KBTBD12: variants seen among roughly 807,000 people sequenced by gnomAD.
The protein encoded by KBTBD12 is kelch repeat and BTB domain-containing protein 12.
KBTBD12 carries 53 observed loss-of-function variants against 58.7 expected under a neutral mutation model. That is an observed-to-expected ratio of 0.90 (90% CI 0.72 to 1.14). KBTBD12 has a LOEUF of 1.14. KBTBD12 is among the 50% of genes most tolerant of loss of function. The pLI, the probability that KBTBD12 is intolerant of heterozygous loss-of-function variation, is 0.00. For missense variants in KBTBD12, 704 were observed against 751.3 expected, an observed-to-expected ratio of 0.94 and a Z score of 0.74; for synonymous variants, 236 against 259.8, an observed-to-expected ratio of 0.91 and a Z score of 0.88.
chr3:127,939,732 A>G (rs952876849), intron 4 of KBTBD12, among the ~76,000 whole-genome samples: 25 of 152,314 alleles, frequency 1.6e-4, no homozygotes, highest in African/African-American at 5.5e-4. Flanking sequence ...CAAGCAATAA[A>G]TCAGTAGATC....
intron 4 of KBTBD12, among the ~76,000 whole-genome samples, chr3:127,938,038 A>C (rs1349503313): frequency 6.6e-6 from 1 of 152,138 alleles, no homozygotes; most frequent in Non-Finnish European, 1.5e-5. Context: ...GACCACCATA[A>C]AGGAATTTTA....
At chr3:127,953,830 T>G (rs1161500289) in intron 4 of KBTBD12, among the ~76,000 whole-genome samples, 3 of 152,244 alleles carry the variant, frequency 2.0e-5, no homozygotes, top group African/African-American at 7.2e-5. Flanking sequence ...CTCATGTGGT[T>G]ACATGTGCAT....
At chr3:127,919,272 C>G (rs1193686409) in intron 1 of KBTBD12, among the ~76,000 whole-genome samples, 2 of 152,130 alleles carry the variant, frequency 1.3e-5, no homozygotes, top group Non-Finnish European at 2.9e-5. Flanking sequence ...AGCCTGTCAC[C>G]CAGGCAGGAG....
At chr3:127,956,177 A>G (rs1446009491) in intron 4 of KBTBD12, among the ~76,000 whole-genome samples, 2 of 152,190 alleles carry the variant, frequency 1.3e-5, no homozygotes, top group Admixed American at 1.3e-4. Flanking sequence ...AGTTAATCAT[A>G]TGAGGGGTTT....
At chr3:127,975,548 G>C (rs908771212) in intron 5 of KBTBD12, among the ~76,000 whole-genome samples, 2 of 152,160 alleles carry the variant, frequency 1.3e-5, no homozygotes, top group Non-Finnish European at 2.9e-5. Context: ...ATAGCAGACT[G>C]TCATTGTCCC....
chr3:127,956,168 G>A (rs1940316911), intron 4 of KBTBD12, among the ~76,000 whole-genome samples: 1 of 152,128 alleles, frequency 6.6e-6, no homozygotes, highest in Non-Finnish European at 1.5e-5. Context: ...TATATTTCCA[G>A]TTAATCATAT....
rs1238103094 is a variant in KBTBD12, at chr3:127,957,339, AT to A, written c.1493-5849del. On this transcript the variant is annotated intron_variant, in intron 4 of 5. Coordinates refer to ENST00000405109, the MANE Select transcript of KBTBD12 (RefSeq NM_207335.4). ...GCTTAGCACCTCAGGGAAGATAAAG[AT>A]GTAGACCTTGCCTTCAAGGACTTAT... Among the ~76,000 whole-genome samples, 5 of 152,226 alleles carry A rather than the reference AT, an allele frequency of 3.3e-5. No individual in the cohort carries two copies. In the East Asian group the frequency reaches 9.6e-4, roughly 29 times the overall value.
chr3:127,960,109 T>G (rs1340558214), intron 4 of KBTBD12, among the ~76,000 whole-genome samples: 1 of 152,140 alleles, frequency 6.6e-6, no homozygotes, highest in African/African-American at 2.4e-5. Context: ...GCAGAGGACA[T>G]TGGGAGCAAG....
chr3:127,943,937 G>C (rs1559766528), intron 4 of KBTBD12, among the ~76,000 whole-genome samples: 1 of 152,164 alleles, frequency 6.6e-6, no homozygotes, highest in East Asian at 1.9e-4. Flanking sequence ...TTATTGAAGA[G>C]ACTGTCCTTT....
At chr3:127,929,204 C>T (rs1050737412) in intron 3 of KBTBD12, among the ~76,000 whole-genome samples, 3 of 152,046 alleles carry the variant, frequency 2.0e-5, no homozygotes, top group African/African-American at 7.2e-5. Flanking sequence ...GAACGTTTAC[C>T]TCATAGAGGA....
At chr3:127,978,789 C>T (rs1940827152) in intron 5 of KBTBD12, among the ~76,000 whole-genome samples, 2 of 152,158 alleles carry the variant, frequency 1.3e-5, no homozygotes, top group Admixed American at 6.5e-5. Flanking sequence ...GCCACGTCAC[C>T]TTGGAGGCAT....
At chr3:127,931,889 G>C (rs924428548) in intron 4 of KBTBD12, among the ~76,000 whole-genome samples, 1 of 152,044 alleles carries the variant, frequency 6.6e-6, no homozygotes, top group African/African-American at 2.4e-5. Flanking sequence ...GATAAAAGAA[G>C]GTAAATGAGT....
At chr3:127,949,773 TA>T (rs1226445277) in intron 4 of KBTBD12, among the ~76,000 whole-genome samples, 1 of 152,050 alleles carries the variant, frequency 6.6e-6, no homozygotes, top group East Asian at 1.9e-4. Context: ...TTCTAGAGAG[TA>T]AGGGAGATGA....
chr3:127,919,763 T>A (rs984244602), intron 1 of KBTBD12, among the ~76,000 whole-genome samples: 10 of 151,720 alleles, frequency 6.6e-5, no homozygotes, highest in Admixed American at 5.9e-4. Context: ...AAATTCATGA[T>A]GTATCTATTA....
chr3:127,929,153 T>A (rs890387149), intron 3 of KBTBD12, among the ~76,000 whole-genome samples: 1 of 152,168 alleles, frequency 6.6e-6, no homozygotes, highest in Non-Finnish European at 1.5e-5. Flanking sequence ...AACCATAAAG[T>A]CAACGTTTGT....
At chr3:127,973,541 T>C (rs1271932614) in intron 5 of KBTBD12, among the ~76,000 whole-genome samples, 1 of 152,202 alleles carries the variant, frequency 6.6e-6, no homozygotes, top group Admixed American at 6.5e-5. Context: ...GATAATGGTT[T>C]GTGATTATGT....
intron 5 of KBTBD12, among the ~76,000 whole-genome samples, chr3:127,972,691 C>T (rs11914716): frequency 0.017 from 2,518 of 152,286 alleles, 64 homozygotes; most frequent in African/African-American, 0.055. Context: ...TATCCTGTTA[C>T]ACCAGAAAGC....
chr3:127,957,663 G>C (rs774212711), intron 4 of KBTBD12, among the ~76,000 whole-genome samples: 17 of 151,912 alleles, frequency 1.1e-4, no homozygotes, highest in Non-Finnish European at 2.1e-4. Flanking sequence ...AAAAAAAAAA[G>C]TATAAGAAAA....
chr3:127,923,317 T>A lies in KBTBD12; in HGVS notation c.256T>A (p.Leu86Ile), dbSNP rs1379594293. The A allele has an allele frequency of 6.2e-7, 1 of 1,613,854 alleles. No homozygotes were observed. Among genetic ancestry groups the A allele is most frequent in the South Asian group, 1.1e-5 (1 of 91,074 alleles). Residue 86 changes from leucine to isoleucine, a missense_variant, in exon 2 of 6, where the codon TTA becomes ATA. Leu to Ile is a conservative substitution (Grantham distance 5). Transcript: ENST00000405109. ...CACAGCAGAAAGTGTGTCGGTGTTA[T>A]TAAATTACATGTACAATGCAGCTTT... ...DITAESVSVL[L>I]NYMYNAALEI...
Sources: gnomAD v4.1 joint callset for allele counts (sites outside exome capture counted in the v4.1 genomes callset) on GRCh38, gnomAD v4.1.1 for gene constraint, MANE v1.5 for transcripts, NCBI Gene and HGNC (gene_info 2026-07-23, HGNC 2026-07-21) for gene names.